Variants in RUNX1 observed in about 807,000 individuals in gnomAD.
The protein encoded by RUNX1 is runt-related transcription factor 1.
In RUNX1, 19 loss-of-function variants were observed where a neutral mutation model predicts 42.8. The ratio of observed to expected loss-of-function variants is 0.44; its 90% CI spans 0.31 to 0.65. The LOEUF (loss-of-function observed/expected upper bound fraction) is 0.65. Among genes scored for constraint, RUNX1 ranks in the 30% least tolerant of loss-of-function variants. RUNX1 has a pLI of 0.07. For synonymous variants in RUNX1, 271 were observed against 289.4 expected (o/e 0.94, Z 0.64); for missense variants, 528 against 672.0 (o/e 0.79, Z 2.37).
intron 2 of RUNX1, among the ~76,000 whole-genome samples, chr21:34,946,893 G>A (rs550679783): frequency 1.1e-4 from 16 of 152,280 alleles, no homozygotes; most frequent in South Asian, 6.2e-4. Context: ...AGGCAAGCTC[G>A]TCCACCTTCA....
intron 2 of RUNX1, among the ~76,000 whole-genome samples, chr21:34,909,048 T>C (rs1028585279): frequency 2.0e-5 from 3 of 152,198 alleles, no homozygotes; most frequent in Non-Finnish European, 4.4e-5. Flanking sequence ...TTATGCCTTT[T>C]AGTTTTGCAC....
At chr21:34,825,521 G>A (rs1200734503) in intron 7 of RUNX1, among the ~76,000 whole-genome samples, 1 of 152,176 alleles carries the variant, frequency 6.6e-6, no homozygotes, top group Non-Finnish European at 1.5e-5. Context: ...TGAGGTTATA[G>A]TAACACGATT....
intron 2 of RUNX1, among the ~76,000 whole-genome samples, chr21:34,912,181 A>G (rs1296109442): frequency 1.3e-5 from 2 of 149,506 alleles, no homozygotes; most frequent in Admixed American, 1.3e-4. Context: ...ATGACAATGA[A>G]CTGTAGCTGC....
intron 3 of RUNX1, among the ~76,000 whole-genome samples, chr21:34,888,891 C>T (rs1201926580): frequency 3.3e-5 from 5 of 151,674 alleles, no homozygotes; most frequent in Non-Finnish European, 1.5e-5. Flanking sequence ...TGTACGCAGC[C>T]CGGGCGGGGA....
At chr21:34,894,039 CT>C (rs1019843473) in intron 2 of RUNX1, among the ~76,000 whole-genome samples, 1 of 151,624 alleles carries the variant, frequency 6.6e-6, no homozygotes, top group African/African-American at 2.4e-5. Flanking sequence ...TCCATGAAGA[CT>C]TTTCTTTTTA....
At chr21:35,011,278 C>T (rs1252668521) in intron 2 of RUNX1, among the ~76,000 whole-genome samples, 1 of 152,132 alleles carries the variant, frequency 6.6e-6, no homozygotes. Flanking sequence ...CTTCTCAGGC[C>T]TTTTCCTGAT....
rs140040849 is a variant in RUNX1 at position 34,979,110 on chromosome 21, G to A, written c.58+69732C>T. On this transcript the variant is annotated intron_variant, in intron 2 of 8. Transcript: ENST00000675419. Reference sequence around the variant, plus strand: ...TCTGAGCCCTGAAGGCTCCAGTCAAGCACAGCTGACTGGGAACTGTCAAGT... The same window carrying A: ...TCTGAGCCCTGAAGGCTCCAGTCAAACACAGCTGACTGGGAACTGTCAAGT... Among the ~76,000 whole-genome samples the A allele has an allele frequency of 3.8e-3, 573 of 152,238 alleles. 4 individuals are homozygous for A. The highest frequency in any genetic ancestry group is 0.013 in the African/African-American group (555 of 41,512).
rs1440174337 is a variant in RUNX1, at chr21:34,843,626, C to A, written c.614-9025G>T. 6.6e-6 allele frequency among the ~76,000 whole-genome samples: 1 copy of A among 152,144 alleles called. No individual in the cohort carries two copies. The highest frequency in any genetic ancestry group is 1.9e-4 in the East Asian group (1 of 5,192). The stretch of plus-strand genomic sequence containing the variant: ...AGGCTGGCCAACGCCAAGGCAAGAT[C>A]AACAACCAATACAACTTCAAGCCAG... On this transcript the variant is annotated intron_variant, in intron 6 of 8. Coordinates refer to ENST00000675419, the MANE Select transcript of RUNX1 (RefSeq NM_001754.5). The surrounding 1 kb of genome is among the most constrained non-coding windows in gnomAD (Gnocchi z 4.8).
Position 34,901,405 on chromosome 21 carries a change from C to T in RUNX1, c.59-8442G>A, listed in dbSNP as rs539800830. Reference sequence around the variant, plus strand: ...GCGCGTGCCTGTAGTCCCAGCTACTCGAGAGGCTAAGGCGGGAGAATCGCT... The same window carrying T: ...GCGCGTGCCTGTAGTCCCAGCTACTTGAGAGGCTAAGGCGGGAGAATCGCT... On this transcript the variant is annotated intron_variant, in intron 2 of 8. Coordinates refer to ENST00000675419, the MANE Select transcript of RUNX1 (RefSeq NM_001754.5). This position sits in a 1 kb window ranked among gnomAD's most constrained non-coding sequence, Gnocchi z 4.3. Among the ~76,000 whole-genome samples, 146 of 152,110 alleles carry T rather than the reference C, an allele frequency of 9.6e-4. No homozygotes were observed. Among genetic ancestry groups the T allele is most frequent in the South Asian group, 9.4e-3 (45 of 4,804 alleles).
chr21:34,818,244 A>C (rs938812957), intron 7 of RUNX1, among the ~76,000 whole-genome samples: 1 of 152,236 alleles, frequency 6.6e-6, no homozygotes, highest in Admixed American at 6.5e-5. Context: ...AATTTATCCT[A>C]CAACAGGCCA....
intron 7 of RUNX1, among the ~76,000 whole-genome samples, chr21:34,823,872 A>C (rs1174497278): frequency 6.6e-6 from 1 of 152,202 alleles, no homozygotes; most frequent in Non-Finnish European, 1.5e-5. Context: ...GAAAGTAGGG[A>C]ATTTCATCTT....
intron 2 of RUNX1, among the ~76,000 whole-genome samples, chr21:34,918,213 T>C (rs1473262906): frequency 6.6e-6 from 1 of 150,890 alleles, no homozygotes; most frequent in Non-Finnish European, 1.5e-5. Flanking sequence ...GATAAATCGC[T>C]ATGCAATAAT....
intron 2 of RUNX1, among the ~76,000 whole-genome samples, chr21:35,017,242 C>T (rs77728098): frequency 0.049 from 7,521 of 152,192 alleles, 251 homozygotes; most frequent in Non-Finnish European, 0.073. Context: ...CTTCAATATG[C>T]AAAGTCTTGG....
intron 2 of RUNX1, among the ~76,000 whole-genome samples, chr21:35,047,855 T>C (rs950186339): frequency 1.3e-5 from 2 of 152,200 alleles, no homozygotes; most frequent in African/African-American, 2.4e-5. Context: ...CTGGTCAGAG[T>C]GCGTGCCCCG....
intron 2 of RUNX1, among the ~76,000 whole-genome samples, chr21:34,905,460 G>A (rs575854992): frequency 2.6e-5 from 4 of 152,116 alleles, no homozygotes; most frequent in Admixed American, 6.5e-5. Flanking sequence ...TATTTTCACC[G>A]TTGTGTATGA....
chr21:35,009,963 T>C (rs1569149467), intron 2 of RUNX1, among the ~76,000 whole-genome samples: 1 of 152,218 alleles, frequency 6.6e-6, no homozygotes, highest in Non-Finnish European at 1.5e-5. Context: ...GCTGAAGCTG[T>C]GTTAGACAAA....
chr21:34,814,124 T>C (rs2056793698), intron 7 of RUNX1, among the ~76,000 whole-genome samples: 1 of 152,184 alleles, frequency 6.6e-6, no homozygotes, highest in Admixed American at 6.5e-5. Context: ...TATAGCTCTG[T>C]GAGATCCTGA....
chr21:34,943,332 T>A (rs59214225), intron 2 of RUNX1, among the ~76,000 whole-genome samples: 10,747 of 152,256 alleles, frequency 0.071, 527 homozygotes, highest in African/African-American at 0.12. Flanking sequence ...CTTTACCAGA[T>A]GTACCCATCC....
At chr21:34,836,417 G>GA in intron 6 of RUNX1, among the ~76,000 whole-genome samples, 1 of 152,330 alleles carries the variant, frequency 6.6e-6, no homozygotes, top group East Asian at 1.9e-4. Flanking sequence ...GTGTGACTCA[G>GA]TGCCTCTGGA....
Sources: gnomAD v4.1 joint callset for allele counts (sites outside exome capture counted in the v4.1 genomes callset) on GRCh38, gnomAD v4.1.1 for gene constraint, Gnocchi (gnomAD v3.1) non-coding constraint, MANE v1.5 for transcripts, NCBI Gene and HGNC (gene_info 2026-07-23, HGNC 2026-07-21) for gene names.